The following ERC1 variants were observed in gnomAD, a reference collection of about 807,000 sequenced individuals.
ERC1 encodes the protein ELKS/RAB6-interacting/CAST family member 1.
A neutral mutation model predicts 132.0 loss-of-function variants in ERC1; 56 were observed. The observed-to-expected ratio is 0.42, with a 90% CI of 0.34 to 0.53. The LOEUF (loss-of-function observed/expected upper bound fraction) is 0.53, where lower values mean the gene tolerates loss of function less well. Ranked by LOEUF, ERC1 falls within the 20% of genes least tolerant of loss-of-function variation. The pLI, the probability that ERC1 is intolerant of heterozygous loss-of-function variation, is 0.03. For synonymous variants in ERC1, 478 were observed against 476.1 expected (o/e 1.00, Z -0.05); for missense variants, 1,202 against 1,349.9 (o/e 0.89, Z 1.72).
chr12:1,171,379 T>G (rs1309868474), intron 8 of ERC1, among the ~76,000 whole-genome samples: 2 of 135,778 alleles, frequency 1.5e-5, no homozygotes, highest in African/African-American at 3.4e-5. Flanking sequence ...TTTTTTTTTT[T>G]GGTAAATTAT....
intron 3 of ERC1, among the ~76,000 whole-genome samples, chr12:1,093,981 A>ATATATATATATT (rs1555236298): frequency 7.6e-6 from 1 of 132,006 alleles, no homozygotes; most frequent in South Asian, 2.4e-4. Context: ...ATATATATAT[A>ATATATATATATT]TATAGAAAAA....
intron 18 of ERC1, among the ~76,000 whole-genome samples, chr12:1,445,908 C>T (rs551920504): frequency 2.0e-5 from 3 of 152,290 alleles, no homozygotes; most frequent in Non-Finnish European, 2.9e-5. Context: ...TTATAAGCAG[C>T]AGACATTTAT....
intron 3 of ERC1, among the ~76,000 whole-genome samples, chr12:1,100,660 G>C (rs1944559103): frequency 6.6e-6 from 1 of 152,160 alleles, no homozygotes; most frequent in Non-Finnish European, 1.5e-5. Flanking sequence ...TTGAACAACT[G>C]GCTGGATGCA....
At chr12:990,146 G>A (rs1959167886), upstream of ERC1, 1 of 152,240 alleles carries the variant, frequency 6.6e-6, no homozygotes, top group Non-Finnish European at 1.5e-5. Flanking sequence ...ATGGGATTAT[G>A]AGGCAGTATA....
chr12:1,157,664 A>G (rs1951528008), intron 8 of ERC1, among the ~76,000 whole-genome samples: 1 of 152,190 alleles, frequency 6.6e-6, no homozygotes, highest in Non-Finnish European at 1.5e-5. Flanking sequence ...GATTTTGTCA[A>G]ATTTTCCTCT....
At chr12:1,224,258 C>T (rs142477456) in intron 12 of ERC1, among the ~76,000 whole-genome samples, 126 of 152,282 alleles carry the variant, frequency 8.3e-4, no homozygotes, top group African/African-American at 2.9e-3. Flanking sequence ...CATGCACACA[C>T]ACACGTACAC....
chr12:1,224,876 G>A (rs2074429455), intron 12 of ERC1, among the ~76,000 whole-genome samples: 1 of 151,704 alleles, frequency 6.6e-6, no homozygotes, highest in South Asian at 2.1e-4. Context: ...CTATAGTCCC[G>A]GCTACTTGGG....
chr12:1,267,137 G>A (rs2077532405), intron 14 of ERC1, among the ~76,000 whole-genome samples: 1 of 152,242 alleles, frequency 6.6e-6, no homozygotes. Flanking sequence ...TAGAGAAGTT[G>A]TGTAATGACC....
intron 13 of ERC1, among the ~76,000 whole-genome samples, chr12:1,256,272 T>C (rs1169638239): frequency 2.3e-5 from 3 of 132,232 alleles, no homozygotes; most frequent in Non-Finnish European, 4.9e-5. Flanking sequence ...AGACTCTGTT[T>C]TTGCCTTTTT....
intron 7 of ERC1, among the ~76,000 whole-genome samples, chr12:1,122,499 A>G (rs1266062413): frequency 1.2e-5 from 1 of 80,430 alleles, no homozygotes; most frequent in Non-Finnish European, 2.5e-5. Flanking sequence ...CTCTATCTCT[A>G]TCTCTATCTC....
chr12:1,109,270 G>T (rs539001792), intron 4 of ERC1, among the ~76,000 whole-genome samples: 1 of 152,232 alleles, frequency 6.6e-6, no homozygotes, highest in Admixed American at 6.5e-5. Context: ...TGGTTTATAA[G>T]GACAGTGATT....
intron 18 of ERC1, among the ~76,000 whole-genome samples, chr12:1,465,675 C>G (rs981688425): frequency 1.4e-4 from 21 of 152,228 alleles, no homozygotes; most frequent in African/African-American, 4.8e-4. Context: ...ACTTGACTCC[C>G]CTGTGCCCAT....
At chr12:1,340,065 G>A (rs988902833) in intron 15 of ERC1, among the ~76,000 whole-genome samples, 7 of 152,284 alleles carry the variant, frequency 4.6e-5, no homozygotes, top group South Asian at 2.1e-4. Context: ...GGCCTGGTGC[G>A]TGGCCAGCGT....
At chr12:1,470,296 T>C (rs1399928491) in intron 18 of ERC1, among the ~76,000 whole-genome samples, 5 of 151,982 alleles carry the variant, frequency 3.3e-5, no homozygotes, top group Non-Finnish European at 7.4e-5. Flanking sequence ...CTTCCTTCTC[T>C]CTTCCTGCCT....
intron 14 of ERC1, among the ~76,000 whole-genome samples, chr12:1,284,472 A>T (rs2078911357): frequency 6.6e-6 from 1 of 152,104 alleles, no homozygotes; most frequent in Non-Finnish European, 1.5e-5. Flanking sequence ...GGATTGCTGG[A>T]TCATGAGAGA....
intron 15 of ERC1, among the ~76,000 whole-genome samples, chr12:1,307,720 AT>A (rs1370050089): frequency 6.6e-6 from 1 of 152,104 alleles, no homozygotes; most frequent in Admixed American, 6.6e-5. Flanking sequence ...AAAATTGAGC[AT>A]TTTTAACTTG....
At chr12:1,265,236 T>C (rs916358339) in intron 14 of ERC1, among the ~76,000 whole-genome samples, 14 of 152,176 alleles carry the variant, frequency 9.2e-5, no homozygotes, top group Non-Finnish European at 2.1e-4. Flanking sequence ...CAAAGAAAGA[T>C]TTTTCTTCTG....
At chr12:1,229,659 TTC>T (rs2154299248) in intron 12 of ERC1, among the ~76,000 whole-genome samples, 1 of 152,304 alleles carries the variant, frequency 6.6e-6, no homozygotes, top group Admixed American at 6.5e-5. Flanking sequence ...TTGTAATGTC[TTC>T]TCTTTCATGT....
rs139186046 is a variant in ERC1, at chr12:1,161,965, TAAAAG to T, written c.1738-18571_1738-18567del. Reference sequence around the variant, plus strand: ...ATTTTGGCATTTATCTAGATATACTTAAAAGAAATTTTTTCTTCTGAGCACAATGG... The same window carrying T: ...ATTTTGGCATTTATCTAGATATACTTAAATTTTTTCTTCTGAGCACAATGG... On this transcript the variant is annotated intron_variant, in intron 8 of 18. Transcript: ENST00000360905. Among the ~76,000 whole-genome samples the T allele has an allele frequency of 5.8e-3, 888 of 152,312 alleles. 5 individuals carry two copies. The highest frequency in any genetic ancestry group is 0.013 in the South Asian group (63 of 4,828).
Sources: allele counts gnomAD v4.1 joint callset (sites outside exome capture counted in the v4.1 genomes callset), GRCh38; gene constraint gnomAD v4.1.1; transcripts MANE v1.5; gene names NCBI Gene and HGNC (gene_info 2026-07-23, HGNC 2026-07-21).